SYNE2: variants seen among roughly 807,000 people sequenced by gnomAD.
SYNE2 encodes spectrin repeat containing nuclear envelope protein 2, also known as nesprin-2.
In SYNE2, 431 loss-of-function variants were observed where a neutral mutation model predicts 856.3. The observed-to-expected ratio is 0.50, with a 90% CI of 0.47 to 0.55. SYNE2 has a LOEUF of 0.55. Among genes scored for constraint, SYNE2 ranks in the 20% least tolerant of loss-of-function variants. The probability of loss-of-function intolerance (pLI) is 0.00; values close to 1 mark genes in which losing one functional copy is unlikely to be tolerated. For missense variants in SYNE2, 8,129 were observed against 8,023.2 expected (o/e 1.01, Z -0.50); for synonymous variants, 2,923 against 2,872.3 (o/e 1.02, Z -0.56).
rs2095926815 is a variant in SYNE2 at position 63,942,127 on chromosome 14, T to C, written c.392T>C (p.Ile131Thr). ...ATTATCCTTGGCCTAATTTGGACAA[T>C]TATCCTGCACTTTCATGTAAGTAGT... The part of the protein sequence containing the change: ...PSIILGLIWT[I>T]ILHFHIEKLA... The change falls in exon 6 of 116, where the codon ATT becomes ACT. Residue 131 changes from isoleucine (I) to threonine (T), a missense_variant. Transcript: ENST00000555002. The C allele has an allele frequency of 6.3e-7, 1 of 1,595,894 alleles. No homozygotes were observed. The highest frequency in any genetic ancestry group is 8.6e-7 in the Non-Finnish European group (1 of 1,164,584).
Position 64,076,112 on chromosome 14 carries a change from G to A in SYNE2, c.11022+12G>A, listed in dbSNP as rs1179544613. 6.2e-7 allele frequency: 1 copy of A among 1,611,958 alleles called. No homozygotes were observed. The highest frequency in any genetic ancestry group is 1.1e-5 in the South Asian group (1 of 90,974). On this transcript the variant is annotated intron_variant, in intron 54 of 115. Transcript: ENST00000555002. ...ACATAGATGAGAAGGTAATAATAATGTCTGTACTACTGTTATTATTTACGG... is the reference window on the plus strand; with the variant it reads ...ACATAGATGAGAAGGTAATAATAATATCTGTACTACTGTTATTATTTACGG...
intron 70 of SYNE2, among the ~76,000 whole-genome samples, chr14:64,124,343 C>T (rs2097920615): frequency 6.6e-6 from 1 of 151,730 alleles, no homozygotes. Context: ...AGGTGTGCAG[C>T]ACCATGACCA....
At chr14:64,125,419 G>A (rs906925905) in intron 71 of SYNE2, among the ~76,000 whole-genome samples, 2 of 152,192 alleles carry the variant, frequency 1.3e-5, no homozygotes, top group African/African-American at 4.8e-5. Context: ...AAAGGATTCT[G>A]AGTCCAGGAT....
intron 1 of SYNE2, among the ~76,000 whole-genome samples, chr14:63,818,661 A>C (rs1028597398): frequency 5.3e-5 from 8 of 151,888 alleles, no homozygotes; most frequent in Admixed American, 2.6e-4. Context: ...AAGTATAGGA[A>C]CAAGGCAAAG....
chr14:64,203,817 T>C (rs1462719988), intron 100 of SYNE2, among the ~76,000 whole-genome samples: 2 of 152,202 alleles, frequency 1.3e-5, no homozygotes, highest in African/African-American at 4.8e-5. Context: ...ACACACCACA[T>C]ACCACAGGTG....
chr14:63,882,438 G>T (rs1214707148), intron 1 of SYNE2, among the ~76,000 whole-genome samples: 1 of 152,040 alleles, frequency 6.6e-6, no homozygotes, highest in African/African-American at 2.4e-5. Flanking sequence ...TGGAGGCCGG[G>T]TGAGCGGTGG....
At chr14:63,823,335 T>C (rs1285225930) in intron 1 of SYNE2, among the ~76,000 whole-genome samples, 1 of 151,988 alleles carries the variant, frequency 6.6e-6, no homozygotes, top group Non-Finnish European at 1.5e-5. Context: ...TGCACCATCA[T>C]GCCTAGCGCA....
At chr14:64,217,476 C>A (rs1170737165) in intron 108 of SYNE2, among the ~76,000 whole-genome samples, 1 of 152,232 alleles carries the variant, frequency 6.6e-6, no homozygotes, top group Non-Finnish European at 1.5e-5. Context: ...TCTGCCTTTG[C>A]ATGCTCAAAT....
intron 1 of SYNE2, among the ~76,000 whole-genome samples, chr14:63,882,517 A>T (rs1311493368): frequency 6.6e-6 from 1 of 151,636 alleles, no homozygotes; most frequent in Non-Finnish European, 1.5e-5. Context: ...GGAGTTCGAG[A>T]CCAGCATGGA....
chr14:64,108,928 G>T (rs190067897), intron 65 of SYNE2, among the ~76,000 whole-genome samples: 1 of 152,106 alleles, frequency 6.6e-6, no homozygotes, highest in Non-Finnish European at 1.5e-5. Flanking sequence ...AGGCTGGAGT[G>T]CAGTGGCCAC....
At chr14:63,954,023 C>T (rs2096207209) in intron 7 of SYNE2, among the ~76,000 whole-genome samples, 1 of 152,206 alleles carries the variant, frequency 6.6e-6, no homozygotes, top group African/African-American at 2.4e-5. Context: ...AAGTGATCCT[C>T]CCGCCTCAGC....
intron 2 of SYNE2, among the ~76,000 whole-genome samples, chr14:63,922,195 G>A (rs2095608609): frequency 1.3e-5 from 2 of 152,078 alleles, no homozygotes; most frequent in Non-Finnish European, 1.5e-5. Context: ...TTTAGAGACA[G>A]GGTCTCACCT....
intron 1 of SYNE2, among the ~76,000 whole-genome samples, chr14:63,859,961 C>CTCCG (rs1893070369): frequency 7.2e-6 from 1 of 139,844 alleles, no homozygotes; most frequent in Admixed American, 7.2e-5. Context: ...CCCTCCCTCC[C>CTCCG]TCCCTCCCTC....
rs536741796 is a variant in SYNE2, at chr14:63,993,920, T to C, written c.2732T>C (p.Ile911Thr). The change falls in exon 22 of 116, where the codon ATA (isoleucine) becomes ACA (threonine). Residue 911 changes from isoleucine to threonine, a missense_variant. This residue lies in a region of SYNE2 where 2,422 missense variants were observed against 2,357.4 expected (regional missense o/e 1.03). Coordinates refer to ENST00000555002, the MANE Select transcript of SYNE2 (RefSeq NM_182914.3). ...EELKNNVTED[I>T]KMSLEEKSRD... Reference sequence around the variant, plus strand: ...CTAAAAAATAATGTAACTGAGGACATAAAGATGTCTTTAGAAGAAAAGAGT... The same window carrying C: ...CTAAAAAATAATGTAACTGAGGACACAAAGATGTCTTTAGAAGAAAAGAGT... 2 of 1,613,540 alleles carry C rather than the reference T, an allele frequency of 1.2e-6. No individual in the cohort carries two copies. Among genetic ancestry groups the C allele is most frequent in the African/African-American group, 1.3e-5 (1 of 74,984 alleles).
intron 107 of SYNE2, 65 bp downstream of exon 107, chr14:64,215,419 C>A: frequency 6.6e-7 from 1 of 1,507,354 alleles, no homozygotes; most frequent in Non-Finnish European, 9.2e-7. Context: ...CATCCTCAAC[C>A]TCGCTCCCAT....
intron 61 of SYNE2, among the ~76,000 whole-genome samples, chr14:64,094,475 C>CA (rs1567277186): frequency 6.6e-6 from 1 of 152,006 alleles, no homozygotes; most frequent in African/African-American, 2.4e-5. Context: ...ACAACAACAA[C>CA]AAAAAAACGT....
intron 1 of SYNE2, among the ~76,000 whole-genome samples, chr14:63,898,597 G>A (rs531052617): frequency 1.3e-5 from 2 of 152,054 alleles, no homozygotes; most frequent in South Asian, 2.1e-4. Context: ...GTAGAGACGG[G>A]GTTTTGCTAG....
At chr14:63,846,737 C>T (rs1006501530) in intron 1 of SYNE2, among the ~76,000 whole-genome samples, 2 of 152,028 alleles carry the variant, frequency 1.3e-5, no homozygotes, top group Admixed American at 6.6e-5. Flanking sequence ...GCTGGGACTA[C>T]AGGCATGTGC....
intron 107 of SYNE2, chr14:64,215,667 G>GCTTT: frequency 2.0e-6 from 1 of 489,218 alleles, no homozygotes. Context: ...CATGGGCCAA[G>GCTTT]CTTTCTTCAT....
Sources: allele counts gnomAD v4.1 joint callset (sites outside exome capture counted in the v4.1 genomes callset), GRCh38; gene constraint gnomAD v4.1.1; regional missense constraint gnomAD v4.1.1; transcripts MANE v1.5; gene names NCBI Gene and HGNC (gene_info 2026-07-23, HGNC 2026-07-21).